The following AGAP1 variants were observed in gnomAD, a reference collection of about 807,000 sequenced individuals.
AGAP1 encodes arf-GAP with GTPase, ANK repeat and PH domain-containing protein 1.
Under a neutral mutation model 105.3 loss-of-function variants are expected in AGAP1, and 29 were observed. The observed-to-expected ratio is 0.28, with a 90% CI of 0.21 to 0.38. AGAP1 has a LOEUF of 0.38. Ranked by LOEUF, AGAP1 falls within the 10% of genes least tolerant of loss-of-function variation. The probability of loss-of-function intolerance (pLI) is 1.00; values close to 1 mark genes in which losing one functional copy is unlikely to be tolerated. For missense variants in AGAP1, 998 were observed against 1,165.1 expected, an observed-to-expected ratio of 0.86 and a Z score of 2.09; for synonymous variants, 509 against 485.9, an observed-to-expected ratio of 1.05 and a Z score of -0.63.
In AGAP1 at chr2:235,729,221, C is replaced by T. The variant is rs768917075; in HGVS notation, c.310+11577C>T. On this transcript the variant is annotated intron_variant, in intron 3 of 17. Transcript: ENST00000304032. This position sits in a 1 kb window ranked among gnomAD's most constrained non-coding sequence, Gnocchi z 5.0. ...ATGAAGCCCCCTGCACTAACTAGGG[C>T]GTGTGCCCCTTGAGGAGCCGCATCC... Among the ~76,000 whole-genome samples the T allele has an allele frequency of 1.1e-4, 17 of 152,216 alleles. No individual in the cohort carries two copies. Among genetic ancestry groups the T allele is most frequent in the Middle Eastern group, 3.4e-3 (1 of 292 alleles).
chr2:236,053,038 G>A lies in AGAP1; in HGVS notation c.2114+3757G>A, dbSNP rs1038357288. On this transcript the variant is annotated intron_variant, in intron 16 of 17. Coordinates refer to ENST00000304032, the MANE Select transcript of AGAP1 (RefSeq NM_001037131.3). The surrounding 1 kb of genome is among the most constrained non-coding windows in gnomAD (Gnocchi z 4.6). ...TGTAGGACAGGACTTCGTAACACCC[G>A]GCTTGTGCGTGTGTGCGGTACCATA... Among the ~76,000 whole-genome samples the A allele has an allele frequency of 1.5e-4, 23 of 152,180 alleles. No homozygotes were observed. Among genetic ancestry groups the A allele is most frequent in the African/African-American group, 4.3e-4 (18 of 41,446 alleles).
At chr2:235,742,383 C>A (rs138764403) in intron 4 of AGAP1, among the ~76,000 whole-genome samples, 1 of 152,066 alleles carries the variant, frequency 6.6e-6, no homozygotes, top group Non-Finnish European at 1.5e-5. Context: ...GAAACAGCCG[C>A]AATAATTAGG....
At chr2:235,995,923 G>C (rs940353492) in intron 13 of AGAP1, among the ~76,000 whole-genome samples, 1 of 152,118 alleles carries the variant, frequency 6.6e-6, no homozygotes, top group Non-Finnish European at 1.5e-5. Context: ...GGAGGTCACT[G>C]TGCAGTAGGT....
At chr2:235,497,548 A>C (rs1941370966) in intron 1 of AGAP1, among the ~76,000 whole-genome samples, 1 of 152,220 alleles carries the variant, frequency 6.6e-6, no homozygotes, top group African/African-American at 2.4e-5. Flanking sequence ...ATGTGCATAC[A>C]CAGAATTGGG....
At position 236,034,118 on chromosome 2, in the gene AGAP1, A is replaced by C. The variant is rs115100564; in HGVS notation, c.1646-2443A>C. Among the ~76,000 whole-genome samples, 1,191 of 152,270 alleles carry C rather than the reference A, an allele frequency of 7.8e-3. 12 individuals are homozygous for C. The highest frequency in any genetic ancestry group is 0.027 in the African/African-American group (1,128 of 41,540). On this transcript the variant is annotated intron_variant, in intron 13 of 17. Transcript: ENST00000304032. ...GGAGAGTTTTGCATAAAATACATGA[A>C]TTGGGGCACTATCCTATGAGAATCT...
chr2:235,772,495 G>A (rs1214919692), intron 6 of AGAP1, among the ~76,000 whole-genome samples: 1 of 152,196 alleles, frequency 6.6e-6, no homozygotes, highest in Non-Finnish European at 1.5e-5. Flanking sequence ...CAAGAAGCCA[G>A]CACTTGTAGG....
chr2:235,746,377 C>CTTTTTCTTTTTTTTTTTTTTT (rs1553620164), intron 5 of AGAP1, among the ~76,000 whole-genome samples: 1 of 55,546 alleles, frequency 1.8e-5, no homozygotes, highest in Non-Finnish European at 3.0e-5. Flanking sequence ...CCTCCCCCAA[C>CTTTTTCTTTTTTTTTTTTTTT]TTTTTTTTTT....
At position 235,964,183 on chromosome 2, in the gene AGAP1, AG is replaced by A. The variant is rs2054298282; in HGVS notation, c.1484-4278del. On this transcript the variant is annotated intron_variant, in intron 12 of 17. Coordinates refer to ENST00000304032, the MANE Select transcript of AGAP1 (RefSeq NM_001037131.3). This position sits in a 1 kb window ranked among gnomAD's most constrained non-coding sequence, Gnocchi z 4.6. The stretch of plus-strand genomic sequence containing the variant: ...GTTTGGGAGAGAGTGTTACAAACAC[AG>A]AGTGACAGAGGGAAGGACGCACAGT... 6.6e-6 allele frequency among the ~76,000 whole-genome samples: 1 copy of A among 152,198 alleles called. No homozygotes were observed. The highest frequency in any genetic ancestry group is 1.5e-5 in the Non-Finnish European group (1 of 68,038).
Position 235,977,159 on chromosome 2 carries a change from G to A in AGAP1, c.1645+8536G>A, listed in dbSNP as rs542713766. ...CCATCAGCAGAGAACTCGGGGCACC[G>A]TGTTTTCCTGTGTGCACCCTGGGAT... On this transcript the variant is annotated intron_variant, in intron 13 of 17. Transcript: ENST00000304032. This position sits in a 1 kb window ranked among gnomAD's most constrained non-coding sequence, Gnocchi z 5.2. Among the ~76,000 whole-genome samples, 12 of 152,240 alleles carry A rather than the reference G, an allele frequency of 7.9e-5. No individual in the cohort carries two copies. The South Asian group carries it at 8.3e-4, about 11-fold the overall frequency.
rs759578485 is a variant in AGAP1, at chr2:235,930,605, G to GT, written c.1325-157dup. Among the ~76,000 whole-genome samples, 2 of 151,644 alleles carry GT rather than the reference G, an allele frequency of 1.3e-5. No individual in the cohort carries two copies. Among genetic ancestry groups the GT allele is most frequent in the Non-Finnish European group, 2.9e-5 (2 of 68,008 alleles). Reference sequence around the variant, plus strand: ...GTCCCCCTTTTATTCCTCCCGAATAGTTTCTGTCTGGCGCTTCCGTTTGCC... The same window carrying GT: ...GTCCCCCTTTTATTCCTCCCGAATAGTTTTCTGTCTGGCGCTTCCGTTTGCC... On this transcript the variant is annotated intron_variant, in intron 11 of 17. Coordinates refer to ENST00000304032, the MANE Select transcript of AGAP1 (RefSeq NM_001037131.3). This position sits in a 1 kb window ranked among gnomAD's most constrained non-coding sequence, Gnocchi z 7.9.
intron 9 of AGAP1, among the ~76,000 whole-genome samples, chr2:235,812,725 A>C (rs567664333): frequency 1.9e-4 from 29 of 152,170 alleles, no homozygotes; most frequent in Non-Finnish European, 3.7e-4. Context: ...TGGAGAGAGG[A>C]GCTCCACAGG....
chr2:235,629,275 T>TC (rs1946745919), intron 1 of AGAP1, among the ~76,000 whole-genome samples: 1 of 15,128 alleles, frequency 6.6e-5, no homozygotes, highest in South Asian at 2.5e-3. Context: ...TCATTGTGTG[T>TC]GTGTGTGTGT....
Position 235,494,654 on chromosome 2 carries a change from GGGGCGCGCGGCTCC to G in AGAP1, c.-25_-12del. On this transcript the variant is annotated 5_prime_UTR_variant, in exon 1 of 18. Transcript: ENST00000304032. ...CCGGGGCGCGGGGCGGCGGCGGCGG[GGGGCGCGCGGCTCC>G]GGGCGCGGCGCCTGCACCATGAACT... The G allele has an allele frequency of 1.9e-6, 2 of 1,077,344 alleles. No individual in the cohort carries two copies. Among genetic ancestry groups the G allele is most frequent in the Non-Finnish European group, 2.3e-6 (2 of 876,756 alleles). The allele number at this position is 1,077,344 out of a possible 1,614,324, so 66.7% of individuals were successfully genotyped here.
chr2:235,609,398 A>G lies in AGAP1; in HGVS notation c.164-99781A>G, dbSNP rs916336437. On this transcript the variant is annotated intron_variant, in intron 1 of 17. Transcript: ENST00000304032. This position sits in a 1 kb window ranked among gnomAD's most constrained non-coding sequence, Gnocchi z 5.1. The stretch of plus-strand genomic sequence containing the variant: ...TCAGAATGAGCGGGAAGCCTCCACA[A>G]CAGGTGGAGAAAATAGCAAGGGCTG... Among the ~76,000 whole-genome samples, 3 of 152,180 alleles carry G rather than the reference A, an allele frequency of 2.0e-5. No individual in the cohort carries two copies. Among genetic ancestry groups the G allele is most frequent in the African/African-American group, 7.2e-5 (3 of 41,446 alleles).
chr2:236,086,702 C>T (rs1869294), intron 16 of AGAP1, among the ~76,000 whole-genome samples: 60,954 of 151,972 alleles, frequency 0.4, 14,397 homozygotes, highest in African/African-American at 0.65. Flanking sequence ...TTAATAGAGC[C>T]GCTTAAATTC....
chr2:235,510,339 A>G (rs1942019180), intron 1 of AGAP1, among the ~76,000 whole-genome samples: 1 of 152,198 alleles, frequency 6.6e-6, no homozygotes, highest in African/African-American at 2.4e-5. Context: ...AGTCAGCATG[A>G]TGATTTTTAG....
At chr2:235,924,870 T>C (rs1180378146) in intron 11 of AGAP1, among the ~76,000 whole-genome samples, 1 of 152,200 alleles carries the variant, frequency 6.6e-6, no homozygotes, top group Admixed American at 6.5e-5. Context: ...TTACCCCTGT[T>C]GTACCAGTCT....
chr2:235,807,967 T>C (rs1957925854), intron 9 of AGAP1, among the ~76,000 whole-genome samples: 1 of 152,152 alleles, frequency 6.6e-6, no homozygotes, highest in Non-Finnish European at 1.5e-5. Context: ...CCATTTGTTT[T>C]GGCCTATGTT....
chr2:235,601,077 C>G lies in AGAP1; in HGVS notation c.163+106228C>G, dbSNP rs1945716158. On this transcript the variant is annotated intron_variant, in intron 1 of 17. Transcript: ENST00000304032. This position sits in a 1 kb window ranked among gnomAD's most constrained non-coding sequence, Gnocchi z 4.4. ...CTGCCACAGTACCTGCAGGGTCCAGCCAGCTCCCCACCTCCACTGGATGCC... is the reference window on the plus strand; with the variant it reads ...CTGCCACAGTACCTGCAGGGTCCAGGCAGCTCCCCACCTCCACTGGATGCC... 6.6e-6 allele frequency among the ~76,000 whole-genome samples: 1 copy of G among 152,226 alleles called. No homozygotes were observed. Among genetic ancestry groups the G allele is most frequent in the Non-Finnish European group, 1.5e-5 (1 of 68,046 alleles).
Sources: gnomAD v4.1 joint callset for allele counts (sites outside exome capture counted in the v4.1 genomes callset) on GRCh38, gnomAD v4.1.1 for gene constraint, Gnocchi (gnomAD v3.1) non-coding constraint, MANE v1.5 for transcripts, NCBI Gene and HGNC (gene_info 2026-07-23, HGNC 2026-07-21) for gene names.